SCFD2: variants seen among roughly 807,000 people sequenced by gnomAD.
SCFD2 encodes the protein sec1 family domain containing 2, also known as sec1 family domain-containing protein 2.
In SCFD2, 54 loss-of-function variants were observed where a neutral mutation model predicts 58.9. That is an observed-to-expected ratio of 0.92 (90% CI 0.74 to 1.15). SCFD2 has a LOEUF of 1.15. Among genes scored for constraint, SCFD2 ranks in the 50% most tolerant of loss-of-function variants. The probability of loss-of-function intolerance (pLI) is 0.00; values close to 1 mark genes in which losing one functional copy is unlikely to be tolerated. For synonymous variants in SCFD2, 321 were observed against 335.9 expected (o/e 0.96, Z 0.49); for missense variants, 805 against 836.6 (o/e 0.96, Z 0.47).
chr4:53,164,619 C>T (rs1434861766), intron 4 of SCFD2, among the ~76,000 whole-genome samples: 1 of 151,966 alleles, frequency 6.6e-6, no homozygotes. Context: ...CATGGCAAAA[C>T]CCCGTTTCCA....
intron 5 of SCFD2, among the ~76,000 whole-genome samples, chr4:53,095,974 G>A (rs1233306115): frequency 6.6e-6 from 1 of 152,044 alleles, no homozygotes; most frequent in African/African-American, 2.4e-5. Context: ...GCGGTGTTTG[G>A]TTTTTTGTCC....
chr4:53,296,289 C>A (rs1732028531), intron 3 of SCFD2, among the ~76,000 whole-genome samples: 1 of 152,090 alleles, frequency 6.6e-6, no homozygotes, highest in African/African-American at 2.4e-5. Context: ...AGTTGGTAGG[C>A]TATTAATTGC....
At chr4:53,012,371 C>CTG (rs1722114798) in intron 5 of SCFD2, among the ~76,000 whole-genome samples, 1 of 151,316 alleles carries the variant, frequency 6.6e-6, no homozygotes, top group South Asian at 2.1e-4. Context: ...CTCTCTCTCT[C>CTG]TCTCTCACAC....
chr4:53,193,906 C>T (rs893317461), intron 4 of SCFD2, among the ~76,000 whole-genome samples: 36 of 152,150 alleles, frequency 2.4e-4, no homozygotes, highest in Admixed American at 1.5e-3. Context: ...CCCAAGTCTG[C>T]GCCTACTTCT....
At chr4:52,994,304 T>C (rs1721690679) in intron 5 of SCFD2, among the ~76,000 whole-genome samples, 1 of 152,240 alleles carries the variant, frequency 6.6e-6, no homozygotes, top group Non-Finnish European at 1.5e-5. Flanking sequence ...TAGCCTCTTA[T>C]ACTGCCTCGG....
At chr4:53,202,419 T>G (rs9994924) in intron 4 of SCFD2, among the ~76,000 whole-genome samples, 145,286 of 148,824 alleles carry the variant, frequency 0.98, 71,009 homozygotes, top group Middle Eastern at 1. Flanking sequence ...TGCTGTTTTG[T>G]TTACTGTAGC....
chr4:53,332,317 G>T (rs1265332049), intron 2 of SCFD2, among the ~76,000 whole-genome samples: 18 of 151,596 alleles, frequency 1.2e-4, no homozygotes, highest in South Asian at 4.2e-4. Context: ...TAGACCAATA[G>T]CCTTGATGAA....
At chr4:53,340,885 C>T (rs981980211) in intron 2 of SCFD2, among the ~76,000 whole-genome samples, 30 of 152,224 alleles carry the variant, frequency 2.0e-4, no homozygotes, top group Admixed American at 2.0e-4. Context: ...TCCAACAGAC[C>T]TGCAGCTGAG....
chr4:52,987,922 C>T (rs1011066587), intron 5 of SCFD2, among the ~76,000 whole-genome samples: 1 of 152,214 alleles, frequency 6.6e-6, no homozygotes, highest in African/African-American at 2.4e-5. Flanking sequence ...ACAGCACAAG[C>T]AATGGGTGTC....
In SCFD2 at chr4:52,971,094, C is replaced by T. The variant is rs1015900848; in HGVS notation, c.1562-50224G>A. Among the ~76,000 whole-genome samples the T allele has an allele frequency of 1.1e-4, 17 of 152,254 alleles. No individual in the cohort carries two copies. In the East Asian group the frequency reaches 1.2e-3, roughly 10 times the overall value. ...AACTAGAGCAGAAAAACCAGAAACT[C>T]GAAAAATCAGAGCACCTCTCCTCCT... is the stretch of plus-strand genomic sequence containing the variant. On this transcript the variant is annotated intron_variant, in intron 5 of 8. Coordinates refer to ENST00000401642, the MANE Select transcript of SCFD2 (RefSeq NM_152540.4).
intron 5 of SCFD2, among the ~76,000 whole-genome samples, chr4:53,061,786 C>T (rs1256257247): frequency 3.3e-5 from 5 of 152,102 alleles, no homozygotes; most frequent in Non-Finnish European, 7.4e-5. Context: ...ATTCTCATAA[C>T]GGCAATATGT....
At chr4:52,908,679 T>C (rs1419273241) in intron 6 of SCFD2, among the ~76,000 whole-genome samples, 1 of 152,170 alleles carries the variant, frequency 6.6e-6, no homozygotes, top group Non-Finnish European at 1.5e-5. Context: ...TTTTTTTTAC[T>C]CAAATTTTCC....
intron 5 of SCFD2, among the ~76,000 whole-genome samples, chr4:53,098,177 C>G (rs1274313532): frequency 6.6e-6 from 1 of 152,088 alleles, no homozygotes; most frequent in Non-Finnish European, 1.5e-5. Context: ...CTAAAATTCT[C>G]TTTTTTTGTT....
At chr4:52,896,091 A>T (rs1446025460) in intron 7 of SCFD2, among the ~76,000 whole-genome samples, 1 of 151,578 alleles carries the variant, frequency 6.6e-6, no homozygotes, top group Non-Finnish European at 1.5e-5. Flanking sequence ...GATTGCAAAA[A>T]TTTTCTCCCA....
intron 5 of SCFD2, among the ~76,000 whole-genome samples, chr4:52,966,154 C>T (rs931521200): frequency 1.3e-5 from 2 of 152,222 alleles, no homozygotes; most frequent in African/African-American, 4.8e-5. Context: ...GGGCCCATGC[C>T]TCATGCCCTG....
intron 4 of SCFD2, among the ~76,000 whole-genome samples, chr4:53,266,325 T>G (rs535250235): frequency 2.9e-4 from 44 of 152,324 alleles, no homozygotes; most frequent in African/African-American, 1.0e-3. Context: ...TTATTGAGGA[T>G]TTACTGTACT....
At chr4:53,105,852 C>T (rs1724979069) in intron 5 of SCFD2, among the ~76,000 whole-genome samples, 1 of 152,142 alleles carries the variant, frequency 6.6e-6, no homozygotes, top group Non-Finnish European at 1.5e-5. Flanking sequence ...GGACAGACTG[C>T]CTCCTCAATT....
At chr4:53,085,517 A>C (rs995693139) in intron 5 of SCFD2, among the ~76,000 whole-genome samples, 10 of 152,220 alleles carry the variant, frequency 6.6e-5, no homozygotes, top group African/African-American at 2.2e-4. Context: ...CATTCTTCAC[A>C]GAAATATAAA....
At chr4:52,934,342 A>T (rs1013977675) in intron 5 of SCFD2, among the ~76,000 whole-genome samples, 1 of 152,220 alleles carries the variant, frequency 6.6e-6, no homozygotes, top group Non-Finnish European at 1.5e-5. Flanking sequence ...AAAAAGAGAC[A>T]GGTCTCAGGC....
Sources: gnomAD v4.1 joint callset for allele counts (sites outside exome capture counted in the v4.1 genomes callset) on GRCh38, gnomAD v4.1.1 for gene constraint, MANE v1.5 for transcripts, NCBI Gene and HGNC (gene_info 2026-07-23, HGNC 2026-07-21) for gene names.